The following SAMMSON variants were observed in gnomAD, a reference collection of about 807,000 sequenced individuals.
SAMMSON encodes long intergenic non-protein coding RNA 1212.
chr3:70,182,490 C>G (rs1481221616), intron 4 of SAMMSON, among the ~76,000 whole-genome samples: 3 of 152,070 alleles, frequency 2.0e-5, no homozygotes, highest in Non-Finnish European at 2.9e-5. Context: ...GGAGAGCTTG[C>G]CTTTGACGTT....
chr3:70,286,275 A>G (rs1379503800), intron 6 of SAMMSON, among the ~76,000 whole-genome samples: 1 of 152,166 alleles, frequency 6.6e-6, no homozygotes, highest in Non-Finnish European at 1.5e-5. Flanking sequence ...CTTTCTACAT[A>G]TGGCTAGCCA....
intron 6 of SAMMSON, chr3:70,283,762 GC>G (rs1030077283): frequency 1.0e-4 from 15 of 145,186 alleles, no homozygotes; most frequent in African/African-American, 3.6e-4. Context: ...AGTATGTAAT[GC>G]TTATTTTTTG....
intron 2 of SAMMSON, among the ~76,000 whole-genome samples, chr3:70,425,558 C>T (rs1445971547): frequency 1.3e-5 from 2 of 148,560 alleles, no homozygotes; most frequent in African/African-American, 5.0e-5. Flanking sequence ...ACTACAGGTG[C>T]CCGCCACCAC....
chr3:70,086,997 G>A (rs757543172), intron 4 of SAMMSON, among the ~76,000 whole-genome samples: 1 of 152,082 alleles, frequency 6.6e-6, no homozygotes, highest in African/African-American at 2.4e-5. Context: ...TACAGCCCGC[G>A]GCTGTTTGAT....
intron 4 of SAMMSON, among the ~76,000 whole-genome samples, chr3:70,133,286 G>A (rs1474994304): frequency 3.9e-5 from 6 of 152,072 alleles, no homozygotes; most frequent in Non-Finnish European, 8.8e-5. Flanking sequence ...AATCAGGCCC[G>A]CATAAGGAAG....
intron 9 of SAMMSON, among the ~76,000 whole-genome samples, chr3:70,387,605 C>T (rs1170069877): frequency 6.6e-6 from 1 of 151,596 alleles, no homozygotes; most frequent in African/African-American, 2.4e-5. Flanking sequence ...TATGATTATA[C>T]CATACTTGGG....
At chr3:70,329,846 A>G (rs1702608245) in intron 7 of SAMMSON, among the ~76,000 whole-genome samples, 1 of 152,018 alleles carries the variant, frequency 6.6e-6, no homozygotes. Context: ...CTAATTGAAT[A>G]AGCAGAAATA....
At chr3:70,024,625 T>C (rs1188618684) in intron 3 of SAMMSON, among the ~76,000 whole-genome samples, 1 of 152,264 alleles carries the variant, frequency 6.6e-6, no homozygotes, top group East Asian at 1.9e-4. Flanking sequence ...GGTTCTTCAC[T>C]TGGTCCTTGA....
chr3:70,424,721 T>C (rs1242084614), intron 2 of SAMMSON: 1 of 152,228 alleles, frequency 6.6e-6, no homozygotes, highest in African/African-American at 2.4e-5. Flanking sequence ...GCAGATTCAA[T>C]GTAGGTAAAG....
chr3:70,106,643 T>G (rs975907343), intron 4 of SAMMSON, among the ~76,000 whole-genome samples: 2 of 151,986 alleles, frequency 1.3e-5, no homozygotes, highest in African/African-American at 4.8e-5. Context: ...CCTAGCCAGA[T>G]TTTGCATTTG....
intron 4 of SAMMSON, among the ~76,000 whole-genome samples, chr3:70,108,800 C>T (rs1466745526): frequency 6.6e-6 from 1 of 152,048 alleles, no homozygotes; most frequent in Admixed American, 6.6e-5. Context: ...TGAAACCAAC[C>T]TTGCTGGCAT....
intron 9 of SAMMSON, among the ~76,000 whole-genome samples, chr3:70,358,659 G>T (rs376284439): frequency 1.3e-5 from 2 of 152,106 alleles, no homozygotes; most frequent in South Asian, 4.2e-4. Flanking sequence ...CCTAAATAGG[G>T]GTAGAAAATA....
chr3:70,289,004 T>G (rs1702198329), intron 6 of SAMMSON, among the ~76,000 whole-genome samples: 1 of 152,212 alleles, frequency 6.6e-6, no homozygotes, highest in Non-Finnish European at 1.5e-5. Context: ...GGGTCTTAAA[T>G]CTTTATCCAG....
chr3:70,135,929 C>G (rs1418520893), intron 4 of SAMMSON, among the ~76,000 whole-genome samples: 1 of 117,418 alleles, frequency 8.5e-6, no homozygotes, highest in Admixed American at 1.1e-4. Context: ...ATAAAATACC[C>G]TGTGTTCTCT....
chr3:70,315,325 AAG>A (rs1702487406), intron 7 of SAMMSON, among the ~76,000 whole-genome samples: 2 of 152,112 alleles, frequency 1.3e-5, no homozygotes, highest in Non-Finnish European at 2.9e-5. Flanking sequence ...TTTTGTTCTT[AAG>A]AGAGTATAGC....
intron 4 of SAMMSON, among the ~76,000 whole-genome samples, chr3:70,203,506 G>A (rs748680264): frequency 6.6e-6 from 1 of 152,090 alleles, no homozygotes; most frequent in Non-Finnish European, 1.5e-5. Flanking sequence ...ACTCAAGTCA[G>A]TTCTTTAGAA....
At chr3:70,027,839 C>G (rs1182152880) in intron 3 of SAMMSON, among the ~76,000 whole-genome samples, 2 of 152,148 alleles carry the variant, frequency 1.3e-5, no homozygotes, top group African/African-American at 4.8e-5. Flanking sequence ...AGGCTAATGA[C>G]TCTAAGAGCA....
chr3:70,134,301 G>C lies in SAMMSON; in HGVS notation n.507+62736G>C, dbSNP rs148492519. On this transcript the variant is annotated intron_variant and non_coding_transcript_variant, in intron 4 of 9. Coordinates refer to ENST00000642114, the Ensembl canonical transcript of SAMMSON. ...TAAATGAAATGATGTATGTGAAGAA[G>C]TTTGTGCCCAGTAGTGTTCCTGATA... 7.0e-3 allele frequency among the ~76,000 whole-genome samples: 1,054 copies of C among 149,932 alleles called. 6 individuals carry two copies. The highest frequency in any genetic ancestry group is 0.023 in the African/African-American group (924 of 40,968).
chr3:70,280,060 G>A (rs1027309790), intron 6 of SAMMSON, among the ~76,000 whole-genome samples: 1 of 152,160 alleles, frequency 6.6e-6, no homozygotes, highest in Admixed American at 6.5e-5. Context: ...AAATCAAGGT[G>A]TCAGCAAGGC....
Sources: allele counts gnomAD v4.1 joint callset (sites outside exome capture counted in the v4.1 genomes callset), GRCh38; gene constraint gnomAD v4.1.1; transcripts MANE v1.5; gene names NCBI Gene and HGNC (gene_info 2026-07-23, HGNC 2026-07-21).